TRPS1: variants seen among roughly 807,000 people sequenced by gnomAD.
TRPS1 encodes the protein transcriptional repressor GATA binding 1, also known as zinc finger transcription factor Trps1.
In TRPS1, 6 loss-of-function variants were observed where a neutral mutation model predicts 101.2. The ratio of observed to expected loss-of-function variants is 0.06; its 90% CI spans 0.03 to 0.12. The LOEUF (loss-of-function observed/expected upper bound fraction) is 0.12. Ranked by LOEUF, TRPS1 falls within the 10% of genes least tolerant of loss-of-function variation. The pLI is 1.00. For synonymous variants in TRPS1, 578 were observed against 589.8 expected (o/e 0.98, Z 0.29); for missense variants, 1,363 against 1,567.0 (o/e 0.87, Z 2.20).
intron 1 of TRPS1, among the ~76,000 whole-genome samples, chr8:115,659,473 A>G (rs1264691879): frequency 6.6e-6 from 1 of 151,908 alleles, no homozygotes. Flanking sequence ...TCTCAAAGGT[A>G]TATCAAAAAA....
rs1812855381 is a variant in TRPS1 at position 115,414,180 on chromosome 8, T to A, written c.3728A>T (p.Tyr1243Phe). Reference protein sequence around the residue: ...CGIVFLDEVMYALHMSCHGDS... With the variant: ...CGIVFLDEVMFALHMSCHGDS... ...ACCATGGCAACTCATATGCAAAGCA[T>A]ACATCACTTCATCCAGAAAGACAAT... The change falls in exon 7 of 7, where the codon TAT becomes TTT. Residue 1243 changes from tyrosine to phenylalanine, a missense_variant. Transcript: ENST00000395715. This position sits in a 1 kb window ranked among gnomAD's most constrained non-coding sequence, Gnocchi z 4.8. The A allele has an allele frequency of 6.2e-7, 1 of 1,614,058 alleles. No individual in the cohort carries two copies. Among genetic ancestry groups the A allele is most frequent in the Non-Finnish European group, 8.5e-7 (1 of 1,179,936 alleles).
chr8:115,553,198 TA>T (rs2130345793), intron 5 of TRPS1, among the ~76,000 whole-genome samples: 1 of 152,158 alleles, frequency 6.6e-6, no homozygotes, highest in East Asian at 1.9e-4. Context: ...TAAAATTTTT[TA>T]TTATGTTGAG....
chr8:115,559,820 A>G (rs1489497409), intron 5 of TRPS1, among the ~76,000 whole-genome samples: 3 of 152,118 alleles, frequency 2.0e-5, no homozygotes, highest in Non-Finnish European at 2.9e-5. Context: ...CATCTTTTAT[A>G]TGAAACCAAA....
At chr8:115,560,762 T>C (rs1816927689) in intron 5 of TRPS1, among the ~76,000 whole-genome samples, 1 of 152,088 alleles carries the variant, frequency 6.6e-6, no homozygotes, top group Non-Finnish European at 1.5e-5. Flanking sequence ...GACACCATGG[T>C]AGGAAAACAA....
chr8:115,436,385 G>A (rs559272140), intron 5 of TRPS1, among the ~76,000 whole-genome samples: 4 of 152,208 alleles, frequency 2.6e-5, no homozygotes, highest in African/African-American at 4.8e-5. Context: ...CAAGTCACGT[G>A]GAAAATACTA....
chr8:115,522,471 AAAG>A (rs1815889917), intron 5 of TRPS1, among the ~76,000 whole-genome samples: 1 of 152,078 alleles, frequency 6.6e-6, no homozygotes, highest in Non-Finnish European at 1.5e-5. Context: ...ATTTTTTAAA[AAAG>A]AAGTTTTCAA....
chr8:115,445,281 CT>C (rs1315959753), intron 5 of TRPS1, among the ~76,000 whole-genome samples: 6 of 152,178 alleles, frequency 3.9e-5, no homozygotes, highest in African/African-American at 1.4e-4. Context: ...TCCAGGGCTT[CT>C]TCTTAAGAAG....
Position 115,650,596 on chromosome 8 carries a change from TA to T in TRPS1, c.-122+17948del, listed in dbSNP as rs528084618. Among the ~76,000 whole-genome samples the T allele has an allele frequency of 2.1e-3, 310 of 149,148 alleles. 1 individual carries two copies. In the Middle Eastern group the frequency reaches 0.024, roughly 12 times the overall value. ...GTCAGATAAAATAATTCTTTTAAGT[TA>T]AAAAAAAAAGTTCTTAAACTTCAAA... On this transcript the variant is annotated intron_variant, in intron 1 of 6. Transcript: ENST00000395715.
At chr8:115,625,200 CAAAGT>C (rs1282675300) in intron 1 of TRPS1, among the ~76,000 whole-genome samples, 1 of 151,742 alleles carries the variant, frequency 6.6e-6, no homozygotes, top group African/African-American at 2.4e-5. Flanking sequence ...TGACCCTAAG[CAAAGT>C]AAAGAATCAA....
chr8:115,554,187 A>G (rs930649507), intron 5 of TRPS1, among the ~76,000 whole-genome samples: 2 of 152,226 alleles, frequency 1.3e-5, no homozygotes, highest in African/African-American at 4.8e-5. Flanking sequence ...AAAGCAAACA[A>G]GAGAAGAAAA....
chr8:115,575,134 A>G (rs1817287585), intron 5 of TRPS1, among the ~76,000 whole-genome samples: 2 of 152,148 alleles, frequency 1.3e-5, no homozygotes, highest in South Asian at 4.1e-4. Context: ...AATCGCAAGC[A>G]AGTTGCAATT....
intron 5 of TRPS1, among the ~76,000 whole-genome samples, chr8:115,462,392 T>G (rs1361783740): frequency 6.6e-6 from 1 of 152,186 alleles, no homozygotes; most frequent in Non-Finnish European, 1.5e-5. Context: ...CTTGCTGTTT[T>G]GTGACCCTGG....
chr8:115,543,641 C>T (rs1816505173), intron 5 of TRPS1, among the ~76,000 whole-genome samples: 1 of 151,892 alleles, frequency 6.6e-6, no homozygotes, highest in African/African-American at 2.4e-5. Flanking sequence ...ACAAGATTAA[C>T]TTTAGCGATT....
intron 5 of TRPS1, among the ~76,000 whole-genome samples, chr8:115,506,250 G>C (rs1322993721): frequency 6.6e-6 from 1 of 151,530 alleles, no homozygotes; most frequent in Non-Finnish European, 1.5e-5. Context: ...AAAACATGCA[G>C]GAAAAAAAAA....
In TRPS1 at chr8:115,665,046, G is replaced by A. The variant is rs541948479; in HGVS notation, c.-122+3499C>T. On this transcript the variant is annotated intron_variant, in intron 1 of 6. Coordinates refer to ENST00000395715, the MANE Select transcript of TRPS1 (RefSeq NM_014112.5). ...TCTTAAAGTCTGTGTTGTTGTACAC[G>A]TAATAGCATAGTGTTGTTACATTAT... 9.2e-5 allele frequency among the ~76,000 whole-genome samples: 14 copies of A among 152,196 alleles called. No individual in the cohort carries two copies. The South Asian group carries it at 1.7e-3, about 18-fold the overall frequency.
intron 5 of TRPS1, among the ~76,000 whole-genome samples, chr8:115,449,756 T>C (rs1813820859): frequency 6.6e-6 from 1 of 152,182 alleles, no homozygotes; most frequent in African/African-American, 2.4e-5. Context: ...TCAAATGAGA[T>C]TGGTAAACAC....
intron 5 of TRPS1, among the ~76,000 whole-genome samples, chr8:115,427,180 G>A (rs1014239060): frequency 7.0e-6 from 1 of 142,082 alleles, no homozygotes; most frequent in Non-Finnish European, 1.5e-5. Flanking sequence ...TGGAGGCTGA[G>A]GAGAGAGGAT....
chr8:115,663,770 C>T (rs930157187), intron 1 of TRPS1, among the ~76,000 whole-genome samples: 2 of 147,538 alleles, frequency 1.4e-5, no homozygotes, highest in Non-Finnish European at 3.0e-5. Context: ...TAGACCGCTA[C>T]GATAATAGCT....
rs961402432 is a variant in TRPS1, at chr8:115,469,877, T to C, written c.2701-51425A>G. 2.6e-5 allele frequency among the ~76,000 whole-genome samples: 4 copies of C among 152,152 alleles called. No individual in the cohort carries two copies. The East Asian group carries it at 5.8e-4, about 22-fold the overall frequency. On this transcript the variant is annotated intron_variant, in intron 5 of 6. Transcript: ENST00000395715. ...CACTATGCCATATCAATGCTACCCA[T>C]TGACTACAGTCCAGCTTGTTTGAAA... is the stretch of plus-strand genomic sequence containing the variant.
Sources: gnomAD v4.1 joint callset for allele counts (sites outside exome capture counted in the v4.1 genomes callset) on GRCh38, gnomAD v4.1.1 for gene constraint, Gnocchi (gnomAD v3.1) non-coding constraint, MANE v1.5 for transcripts, NCBI Gene and HGNC (gene_info 2026-07-23, HGNC 2026-07-21) for gene names.